Variants in NKAIN3 observed in about 807,000 individuals in gnomAD.
NKAIN3 encodes the protein sodium/potassium transporting ATPase interacting 3, also known as sodium/potassium-transporting ATPase subunit beta-1-interacting protein 3.
A neutral mutation model predicts 30.2 loss-of-function variants in NKAIN3; 25 were observed. That is an observed-to-expected ratio of 0.83 (90% CI 0.60 to 1.16). The LOEUF (loss-of-function observed/expected upper bound fraction) is 1.16. Ranked by LOEUF, NKAIN3 falls within the 50% of genes most tolerant of loss-of-function variation. The pLI, the probability that NKAIN3 is intolerant of heterozygous loss-of-function variation, is 0.00. For synonymous variants in NKAIN3, 91 were observed against 89.6 expected, an observed-to-expected ratio of 1.02 and a Z score of -0.09; for missense variants, 225 against 254.1, an observed-to-expected ratio of 0.89 and a Z score of 0.78.
intron 4 of NKAIN3, among the ~76,000 whole-genome samples, chr8:62,760,561 G>A (rs889745431): frequency 2.0e-5 from 3 of 148,896 alleles, no homozygotes; most frequent in Non-Finnish European, 4.4e-5. Context: ...TCACTCATAG[G>A]TTGGAATTGA....
At chr8:62,442,888 A>G (rs1006787079) in intron 1 of NKAIN3, among the ~76,000 whole-genome samples, 2 of 151,810 alleles carry the variant, frequency 1.3e-5, no homozygotes, top group South Asian at 4.1e-4. Context: ...ATTTTTAACT[A>G]TTTTCTTCAT....
At chr8:62,701,501 A>G (rs890252110) in intron 3 of NKAIN3, among the ~76,000 whole-genome samples, 1 of 152,242 alleles carries the variant, frequency 6.6e-6, no homozygotes, top group Non-Finnish European at 1.5e-5. Context: ...ACATCAAGCA[A>G]GGAAGTATCC....
At chr8:62,655,363 G>A (rs1194796384) in intron 3 of NKAIN3, among the ~76,000 whole-genome samples, 2 of 152,090 alleles carry the variant, frequency 1.3e-5, no homozygotes, top group Non-Finnish European at 1.5e-5. Context: ...GATATAATTC[G>A]ATTTTAATTT....
At position 62,982,201 on chromosome 8, in the gene NKAIN3, A is replaced by G. The variant is rs532026269; in HGVS notation, c.*16794A>G. 25 of 152,364 alleles carry G rather than the reference A, an allele frequency of 1.6e-4. No individual in the cohort carries two copies. Among genetic ancestry groups the G allele is most frequent in the Non-Finnish European group, 2.9e-4 (20 of 68,032 alleles). 9.4% of individuals were successfully genotyped at this position (152,364 alleles called of 1,614,324 possible). On this transcript the variant is annotated 3_prime_UTR_variant, in exon 7 of 7. Transcript: ENST00000623646. ...CAGACTATCAATTTAAAAATTCATT[A>G]GTATAAATTAAGAACAGGTACCATT...
chr8:62,655,471 G>A (rs1210973994), intron 3 of NKAIN3, among the ~76,000 whole-genome samples: 2 of 152,072 alleles, frequency 1.3e-5, no homozygotes, highest in Non-Finnish European at 2.9e-5. Context: ...TGCAAATAAG[G>A]TATTATAAGC....
chr8:62,855,116 G>A (rs1456433600), intron 4 of NKAIN3: 2 of 183,354 alleles, frequency 1.1e-5, no homozygotes, highest in Admixed American at 1.1e-4. Flanking sequence ...AGGCAATAAA[G>A]TAAGGAACAG....
chr8:62,506,464 T>TTTTCTTTC (rs142208754), intron 1 of NKAIN3, among the ~76,000 whole-genome samples: 1,512 of 120,940 alleles, frequency 0.013, 342 homozygotes, highest in Middle Eastern at 0.039. Context: ...GCTTTTTCTT[T>TTTTCTTTC]TTTCTTTCTT....
chr8:62,941,447 CAAT>C (rs1822951121), intron 5 of NKAIN3, among the ~76,000 whole-genome samples: 1 of 151,628 alleles, frequency 6.6e-6, no homozygotes, highest in Non-Finnish European at 1.5e-5. Flanking sequence ...GATACAACAA[CAAT>C]AACAACAACA....
intron 1 of NKAIN3, among the ~76,000 whole-genome samples, chr8:62,342,820 G>A (rs182618738): frequency 1.3e-5 from 2 of 152,148 alleles, no homozygotes; most frequent in Admixed American, 6.5e-5. Context: ...AATTACTCTT[G>A]AGAGGTTAAG....
intron 4 of NKAIN3, among the ~76,000 whole-genome samples, chr8:62,767,915 CTT>C (rs1448206679): frequency 6.6e-6 from 1 of 151,724 alleles, no homozygotes; most frequent in Non-Finnish European, 1.5e-5. Flanking sequence ...TCTTAAAAGT[CTT>C]TTGGATATAT....
At chr8:62,285,296 T>C (rs1203645170) in intron 1 of NKAIN3, among the ~76,000 whole-genome samples, 2 of 152,188 alleles carry the variant, frequency 1.3e-5, no homozygotes, top group Non-Finnish European at 2.9e-5. Context: ...TATTTCATGA[T>C]GATGAAAAGT....
At chr8:62,314,272 A>T (rs558129550) in intron 1 of NKAIN3, among the ~76,000 whole-genome samples, 1 of 152,196 alleles carries the variant, frequency 6.6e-6, no homozygotes, top group Non-Finnish European at 1.5e-5. Context: ...ACCACCCCAG[A>T]AAATGCTCCT....
chr8:62,477,894 G>T (rs536139317), intron 1 of NKAIN3, among the ~76,000 whole-genome samples: 1 of 152,278 alleles, frequency 6.6e-6, no homozygotes, highest in East Asian at 1.9e-4. Context: ...TCCAGAGCCA[G>T]CCTTGAACCT....
intron 1 of NKAIN3, among the ~76,000 whole-genome samples, chr8:62,253,215 A>G: frequency 6.6e-6 from 1 of 152,252 alleles, no homozygotes. Context: ...TATCTGTGGT[A>G]CCAGAAACCC....
At chr8:62,300,007 G>A (rs1316486552) in intron 1 of NKAIN3, among the ~76,000 whole-genome samples, 1 of 152,078 alleles carries the variant, frequency 6.6e-6, no homozygotes, top group Admixed American at 6.6e-5. Context: ...ATCATGATCA[G>A]AACAAGAATC....
intron 4 of NKAIN3, among the ~76,000 whole-genome samples, chr8:62,751,205 C>A (rs1816272304): frequency 6.6e-6 from 1 of 152,126 alleles, no homozygotes; most frequent in African/African-American, 2.4e-5. Context: ...AATGGGTTCT[C>A]CCCCAAGTCC....
intron 1 of NKAIN3, among the ~76,000 whole-genome samples, chr8:62,478,132 G>C (rs1290387148): frequency 2.6e-5 from 4 of 152,002 alleles, no homozygotes; most frequent in African/African-American, 9.7e-5. Flanking sequence ...ATGCATTTTG[G>C]AGGGGCACAA....
At chr8:62,588,097 CT>C in intron 2 of NKAIN3, among the ~76,000 whole-genome samples, 1 of 151,648 alleles carries the variant, frequency 6.6e-6, no homozygotes, top group Non-Finnish European at 1.5e-5. Context: ...TTTTCAATGG[CT>C]TTTTTCTCTT....
chr8:62,501,500 A>G, intron 1 of NKAIN3, among the ~76,000 whole-genome samples: 1 of 152,010 alleles, frequency 6.6e-6, no homozygotes, highest in Non-Finnish European at 1.5e-5. Flanking sequence ...CTTTCTGGTC[A>G]TCTCATTTCT....
Sources: allele counts gnomAD v4.1 joint callset (sites outside exome capture counted in the v4.1 genomes callset), GRCh38; gene constraint gnomAD v4.1.1; transcripts MANE v1.5; gene names NCBI Gene and HGNC (gene_info 2026-07-23, HGNC 2026-07-21).